RB1: variants seen among roughly 807,000 people sequenced by gnomAD.
RB1 encodes the protein RB transcriptional corepressor 1, also known as retinoblastoma-associated protein.
Under a neutral mutation model 135.4 loss-of-function variants are expected in RB1, and 18 were observed. The observed-to-expected ratio is 0.13, with a 90% CI of 0.09 to 0.20. The LOEUF (loss-of-function observed/expected upper bound fraction) is 0.20. RB1 is among the 10% of genes least tolerant of loss of function. The pLI is 1.00. For missense variants in RB1, 868 were observed against 1,110.0 expected (o/e 0.78, Z 3.10); for synonymous variants, 365 against 373.2 (o/e 0.98, Z 0.25).
At chr13:48,364,659 A>G (rs1429715936) in intron 8 of RB1, among the ~76,000 whole-genome samples, 2 of 152,132 alleles carry the variant, frequency 1.3e-5, no homozygotes, top group Admixed American at 6.6e-5. Context: ...CTTGAGCCCA[A>G]GCATTTGAAG....
At chr13:48,422,713 T>C (rs1237528061) in intron 17 of RB1, 1 of 152,092 alleles carries the variant, frequency 6.6e-6, no homozygotes, top group Non-Finnish European at 1.5e-5. Flanking sequence ...GAGGATTGTT[T>C]GAGCCTAGGA....
intron 18 of RB1, 76 bp downstream of exon 18, chr13:48,453,187 T>C: frequency 7.3e-7 from 1 of 1,362,984 alleles, no homozygotes. Flanking sequence ...TAACATTCTA[T>C]AAAGAAACTG....
In RB1 at chr13:48,381,281, T is replaced by C. The variant is rs2138144990; in HGVS notation, c.1533T>C (p.Asp511=). ...CTCAGAATCTTGATTCTGGAACAGA[T>C]TTGTCTTTCCCATGGATTCTGAATG... ...STSQNLDSGT[D]LSFPWILNVL... is the part of the protein sequence containing the mutation. The change falls in exon 17 of 27, where the codon GAT becomes GAC. Residue 511 remains aspartate (D), a synonymous_variant. Transcript: ENST00000267163. 2 of 1,611,946 alleles carry C rather than the reference T, an allele frequency of 1.2e-6. No homozygotes were observed. The highest frequency in any genetic ancestry group is 1.7e-6 in the Non-Finnish European group (2 of 1,179,228).
At chr13:48,323,452 G>A (rs1952258733) in intron 2 of RB1, among the ~76,000 whole-genome samples, 3 of 151,282 alleles carry the variant, frequency 2.0e-5, no homozygotes, top group Admixed American at 2.0e-4. Flanking sequence ...CTCAATGTTG[G>A]TGATTTAAAG....
chr13:48,318,886 G>C, intron 2 of RB1: 1 of 1,138,512 alleles, frequency 8.8e-7, no homozygotes, highest in Non-Finnish European at 1.3e-6. Context: ...TTTCCTGATC[G>C]ATGCTGTCGT....
In RB1 at chr13:48,368,570, G is replaced by C. The variant is rs1270702085; in HGVS notation, c.1093G>C (p.Glu365Gln). 8 of 1,613,444 alleles carry C rather than the reference G, an allele frequency of 5.0e-6. No homozygotes were observed. Among genetic ancestry groups the C allele is most frequent in the Non-Finnish European group, 6.8e-6 (8 of 1,179,714 alleles). The change falls in exon 11 of 27, where the codon GAG (glutamate) becomes CAG (glutamine). Residue 365 changes from glutamate to glutamine, a missense_variant. Transcript: ENST00000267163. Reference protein sequence around the residue: ...RTPRKSNLDEEVNVIPPHTPV... With the variant: ...RTPRKSNLDEQVNVIPPHTPV... The stretch of plus-strand genomic sequence containing the variant: ...ACCACGAAAAAGTAACCTTGATGAA[G>C]AGGTGAATGTAATTCCTCCACACAC...
intron 17 of RB1, among the ~76,000 whole-genome samples, chr13:48,445,481 C>CATATGAT (rs1214706727): frequency 1.8e-4 from 28 of 152,310 alleles, no homozygotes; most frequent in African/African-American, 6.7e-4. Context: ...GTTCTGGTGG[C>CATATGAT]CTCTTTCATT....
At chr13:48,335,781 G>C (rs952599752) in intron 2 of RB1, among the ~76,000 whole-genome samples, 12 of 151,992 alleles carry the variant, frequency 7.9e-5, no homozygotes, top group Non-Finnish European at 1.8e-4. Flanking sequence ...ATCAGTTACA[G>C]ATTTTAGGTT....
At chr13:48,309,380 T>C (rs968212954) in intron 2 of RB1, among the ~76,000 whole-genome samples, 1 of 152,166 alleles carries the variant, frequency 6.6e-6, no homozygotes, top group Non-Finnish European at 1.5e-5. Flanking sequence ...AACCATTAAA[T>C]AAAATCTCTG....
At chr13:48,456,096 A>G (rs1282233927) in intron 18 of RB1, 108 bp from the exon 19 acceptor site, 1 of 1,539,664 alleles carries the variant, frequency 6.5e-7, no homozygotes, top group Non-Finnish European at 8.7e-7. Context: ...CTGCTATAAT[A>G]CCAATTAAAT....
At chr13:48,308,500 A>G (rs1254751610) in intron 2 of RB1, among the ~76,000 whole-genome samples, 1 of 151,892 alleles carries the variant, frequency 6.6e-6, no homozygotes, top group Non-Finnish European at 1.5e-5. Flanking sequence ...TAAAAATACA[A>G]AAATTAGCCA....
chr13:48,361,796 C>T (rs1952642832), intron 7 of RB1, among the ~76,000 whole-genome samples: 1 of 151,808 alleles, frequency 6.6e-6, no homozygotes. Flanking sequence ...TTTAAATAAT[C>T]AGATTGTCTT....
chr13:48,304,129 C>T (rs1007315913), intron 1 of RB1, 80 bp downstream of exon 1: 4 of 1,309,128 alleles, frequency 3.1e-6, no homozygotes, highest in Non-Finnish European at 3.9e-6. Context: ...GGCGGCTCGG[C>T]GGGGATCCGT....
rs760584178 is a variant in RB1 at position 48,360,092 on chromosome 13, A to G, written c.683A>G (p.Lys228Arg). 4 of 1,612,706 alleles carry G rather than the reference A, an allele frequency of 2.5e-6. No individual in the cohort carries two copies. Among genetic ancestry groups the G allele is most frequent in the Non-Finnish European group, 3.4e-6 (4 of 1,179,264 alleles). ...LMLCVLDYFIKLSPPMLLKEP... is the reference protein window; with the variant it reads ...LMLCVLDYFIRLSPPMLLKEP... ...CTATGTGTCCTTGACTATTTTATTA[A>G]ACTCTCACCTCCCATGTTGCTCAAA... The change falls in exon 7 of 27, where the codon AAA (lysine) becomes AGA (arginine). Residue 228 changes from lysine to arginine, a missense_variant. This residue lies in a region of RB1 where 641 missense variants were observed against 791.3 expected (regional missense o/e 0.81). Coordinates refer to ENST00000267163, the MANE Select transcript of RB1 (RefSeq NM_000321.3).
intron 17 of RB1, chr13:48,429,147 G>A (rs1348640617): frequency 6.6e-6 from 1 of 152,186 alleles, no homozygotes; most frequent in Non-Finnish European, 1.5e-5. Flanking sequence ...GTGCAAAAAA[G>A]GGTTGTTTTA....
chr13:48,319,469 G>A lies in RB1; in HGVS notation c.264+12063G>A, dbSNP rs1325524543. 2 of 322,332 alleles carry A rather than the reference G, an allele frequency of 6.2e-6. No homozygotes were observed. The highest frequency in any genetic ancestry group is 2.2e-5 in the African/African-American group (1 of 45,308). 20.0% of individuals were successfully genotyped at this position (322,332 alleles called of 1,614,324 possible). ...GCTTTCCCCTTCTCAGGGCGCCAGC[G>A]CTCCTCTTGACCCCGCTTTTATTCT... On this transcript the variant is annotated intron_variant, in intron 2 of 26. Transcript: ENST00000267163. The surrounding 1 kb of genome is among the most constrained non-coding windows in gnomAD (Gnocchi z 5.0).
chr13:48,412,072 T>C, intron 17 of RB1: 3 of 1,403,942 alleles, frequency 2.1e-6, no homozygotes, highest in Non-Finnish European at 2.8e-6. Context: ...GGGTAGACAA[T>C]TGCCAGAAAT....
chr13:48,442,920 T>C lies in RB1; in HGVS notation c.1696-10073T>C, dbSNP rs7320034. On this transcript the variant is annotated intron_variant, in intron 17 of 26. Coordinates refer to ENST00000267163, the MANE Select transcript of RB1 (RefSeq NM_000321.3). Reference sequence around the variant, plus strand: ...CCCAACACCACAAAGTAACTTAGTTTAAAATAAAATAAAAATTTTTGAAAT... The same window carrying C: ...CCCAACACCACAAAGTAACTTAGTTCAAAATAAAATAAAAATTTTTGAAAT... Among the ~76,000 whole-genome samples the C allele has an allele frequency of 5.5e-3, 841 of 152,290 alleles. 14 individuals carry two copies. Among genetic ancestry groups the C allele is most frequent in the African/African-American group, 0.019 (800 of 41,572 alleles).
intron 2 of RB1, among the ~76,000 whole-genome samples, chr13:48,337,057 T>C (rs1423750573): frequency 6.6e-6 from 1 of 152,224 alleles, no homozygotes; most frequent in Non-Finnish European, 1.5e-5. Context: ...CAGTTTGTTA[T>C]AATTTCTTTT....
Sources: gnomAD v4.1 joint callset for allele counts (sites outside exome capture counted in the v4.1 genomes callset) on GRCh38, gnomAD v4.1.1 for gene constraint, gnomAD v4.1.1 regional missense constraint, Gnocchi (gnomAD v3.1) non-coding constraint, MANE v1.5 for transcripts, NCBI Gene and HGNC (gene_info 2026-07-23, HGNC 2026-07-21) for gene names.